The following PLSCR1 variants were observed in gnomAD, a reference collection of about 807,000 sequenced individuals.
PLSCR1 encodes PL scramblase 1.
PLSCR1 carries 17 observed loss-of-function variants against 37.8 expected under a neutral mutation model. That is an observed-to-expected ratio of 0.45 (90% CI 0.31 to 0.68). PLSCR1 has a LOEUF of 0.68. Among genes scored for constraint, PLSCR1 ranks in the 30% least tolerant of loss-of-function variants. The pLI is 0.06. For missense variants in PLSCR1, 347 were observed against 380.9 expected (o/e 0.91, Z 0.74); for synonymous variants, 116 against 125.9 (o/e 0.92, Z 0.53).
rs540774790 is a variant in PLSCR1 at position 146,533,963 on chromosome 3, C to T, written c.14-413G>A. Among the ~76,000 whole-genome samples the T allele has an allele frequency of 1.5e-4, 23 of 152,188 alleles. No homozygotes were observed. In the South Asian group the frequency reaches 3.7e-3, roughly 25 times the overall value. On this transcript the variant is annotated intron_variant, in intron 2 of 8. Coordinates refer to ENST00000342435, the MANE Select transcript of PLSCR1 (RefSeq NM_021105.3). ...ATTTTAAAGATATCTATCATCATTG[C>T]TGTAAGTATTATTTTAAATATTTAA...
At chr3:146,541,877 T>C (rs1381615115) in intron 1 of PLSCR1, among the ~76,000 whole-genome samples, 1 of 152,180 alleles carries the variant, frequency 6.6e-6, no homozygotes, top group Non-Finnish European at 1.5e-5. Flanking sequence ...CAGAGTAGGC[T>C]TGTAAGGAAA....
chr3:146,526,205 G>GA (rs2044109630), intron 4 of PLSCR1, among the ~76,000 whole-genome samples: 1 of 96,968 alleles, frequency 1.0e-5, no homozygotes, highest in African/African-American at 4.3e-5. Context: ...AAAAAAAAAA[G>GA]AAAGAAAAAA....
chr3:146,528,876 G>T, intron 3 of PLSCR1, 45 bp from the exon 4 acceptor site: 3 of 1,455,370 alleles, frequency 2.1e-6, no homozygotes, highest in Non-Finnish European at 1.9e-6. Flanking sequence ...CACCAAAAAT[G>T]GAATTGTCAA....
intron 2 of PLSCR1, among the ~76,000 whole-genome samples, chr3:146,535,185 T>G (rs1326530026): frequency 6.6e-6 from 1 of 152,134 alleles, no homozygotes; most frequent in Non-Finnish European, 1.5e-5. Flanking sequence ...GATCTACCCT[T>G]GACAGGTATG....
intron 2 of PLSCR1, among the ~76,000 whole-genome samples, chr3:146,534,092 C>T (rs2044234642): frequency 6.6e-6 from 1 of 152,090 alleles, no homozygotes; most frequent in Non-Finnish European, 1.5e-5. Context: ...GTTTTTGACC[C>T]ACAAAAGCCA....
intron 1 of PLSCR1, among the ~76,000 whole-genome samples, chr3:146,539,532 A>G (rs1252946420): frequency 6.6e-6 from 1 of 152,210 alleles, no homozygotes; most frequent in Non-Finnish European, 1.5e-5. Context: ...TGCCAAATGA[A>G]TAACAACCAT....
chr3:146,530,660 A>G (rs995767753), intron 3 of PLSCR1, among the ~76,000 whole-genome samples: 1 of 152,068 alleles, frequency 6.6e-6, no homozygotes, highest in Non-Finnish European at 1.5e-5. Flanking sequence ...GGCAAATAGA[A>G]TACCTCTGAC....
intron 5 of PLSCR1, among the ~76,000 whole-genome samples, chr3:146,523,319 A>T (rs186188009): frequency 6.6e-6 from 1 of 152,204 alleles, no homozygotes; most frequent in African/African-American, 2.4e-5. Flanking sequence ...AGTTGGGGCA[A>T]TGCTGTGGGT....
intron 7 of PLSCR1, among the ~76,000 whole-genome samples, chr3:146,521,056 A>G (rs1289429506): frequency 1.3e-5 from 2 of 152,182 alleles, no homozygotes; most frequent in Non-Finnish European, 2.9e-5. Flanking sequence ...ACAGAGAAGC[A>G]TAACTGGGTA....
intron 5 of PLSCR1, among the ~76,000 whole-genome samples, chr3:146,525,054 A>G (rs2044088208): frequency 6.6e-6 from 1 of 152,240 alleles, no homozygotes; most frequent in Non-Finnish European, 1.5e-5. Flanking sequence ...ATGTCAGGCC[A>G]TTCAGCAGGA....
At chr3:146,536,892 T>C (rs1323048435) in intron 1 of PLSCR1, 3 of 219,776 alleles carry the variant, frequency 1.4e-5, no homozygotes, top group Non-Finnish European at 2.7e-5. Flanking sequence ...GCTAATAACA[T>C]CAACCTTCAC....
intron 7 of PLSCR1, among the ~76,000 whole-genome samples, chr3:146,519,509 C>T (rs1471264510): frequency 1.3e-5 from 2 of 152,052 alleles, no homozygotes; most frequent in Non-Finnish European, 2.9e-5. Flanking sequence ...TCTCTTATCA[C>T]CTATATTGGA....
chr3:146,525,338 G>A (rs1040515680), intron 5 of PLSCR1, among the ~76,000 whole-genome samples: 10 of 152,222 alleles, frequency 6.6e-5, no homozygotes, highest in East Asian at 3.8e-4. Context: ...AAAAAGTGAT[G>A]TATGAAGAGA....
chr3:146,525,046 G>T (rs1419472895), intron 5 of PLSCR1, among the ~76,000 whole-genome samples: 1 of 152,218 alleles, frequency 6.6e-6, no homozygotes, highest in Non-Finnish European at 1.5e-5. Context: ...CCAAGGAAAT[G>T]TCAGGCCATT....
intron 3 of PLSCR1, among the ~76,000 whole-genome samples, 198 bp from the exon 4 acceptor site, chr3:146,529,029 G>C (rs1227666809): frequency 6.6e-6 from 1 of 152,192 alleles, no homozygotes; most frequent in African/African-American, 2.4e-5. Flanking sequence ...TTGGATGATA[G>C]TATGCGGTGA....
intron 5 of PLSCR1, among the ~76,000 whole-genome samples, chr3:146,523,542 G>A (rs1428479769): frequency 6.6e-6 from 1 of 152,114 alleles, no homozygotes; most frequent in African/African-American, 2.4e-5. Context: ...AAAAACCGAG[G>A]GAGTAAAAAT....
intron 2 of PLSCR1, among the ~76,000 whole-genome samples, chr3:146,534,451 C>T (rs2044239518): frequency 6.6e-6 from 1 of 152,114 alleles, no homozygotes; most frequent in African/African-American, 2.4e-5. Flanking sequence ...ACATATAGGT[C>T]AAACTTTCAC....
chr3:146,542,417 T>C (rs2044348751), intron 1 of PLSCR1, among the ~76,000 whole-genome samples: 1 of 152,200 alleles, frequency 6.6e-6, no homozygotes, highest in Non-Finnish European at 1.5e-5. Flanking sequence ...TCCAGGATTG[T>C]GTAAGTAAAT....
intron 1 of PLSCR1, among the ~76,000 whole-genome samples, chr3:146,538,813 T>C (rs1194498307): frequency 1.1e-4 from 16 of 152,182 alleles, no homozygotes; most frequent in Admixed American, 1.0e-3. Flanking sequence ...AATATTTTTG[T>C]CATCATTTTA....
Sources: gnomAD v4.1 joint callset for allele counts (sites outside exome capture counted in the v4.1 genomes callset) on GRCh38, gnomAD v4.1.1 for gene constraint, MANE v1.5 for transcripts, NCBI Gene and HGNC (gene_info 2026-07-23, HGNC 2026-07-21) for gene names.